The following BTRC variants were observed in gnomAD, a reference collection of about 807,000 sequenced individuals.
The protein encoded by BTRC is beta-transducin repeat containing E3 ubiquitin protein ligase.
In BTRC, 42 loss-of-function variants were observed where a neutral mutation model predicts 85.5. The ratio of observed to expected loss-of-function variants is 0.49; its 90% CI spans 0.38 to 0.64. The LOEUF (loss-of-function observed/expected upper bound fraction) is 0.64. BTRC is among the 30% of genes least tolerant of loss of function. The probability of loss-of-function intolerance (pLI) is 0.00; values close to 1 mark genes in which losing one functional copy is unlikely to be tolerated. For missense variants in BTRC, 594 were observed against 743.5 expected (o/e 0.80, Z 2.34); for synonymous variants, 255 against 263.3 (o/e 0.97, Z 0.30).
At chr10:101,367,082 T>A (rs1396515760) in intron 1 of BTRC, among the ~76,000 whole-genome samples, 2 of 116,460 alleles carry the variant, frequency 1.7e-5, no homozygotes, top group African/African-American at 6.5e-5. Flanking sequence ...ATATATATAT[T>A]TTTTTCGAGC....
At chr10:101,528,363 A>G (rs1234138512) in intron 6 of BTRC, among the ~76,000 whole-genome samples, 2 of 152,214 alleles carry the variant, frequency 1.3e-5, no homozygotes, top group Non-Finnish European at 2.9e-5. Context: ...AAGATCTTTT[A>G]TGTTAGTTAC....
intron 1 of BTRC, among the ~76,000 whole-genome samples, chr10:101,405,430 A>G (rs1943596318): frequency 6.6e-6 from 1 of 151,958 alleles, no homozygotes; most frequent in Non-Finnish European, 1.5e-5. Flanking sequence ...AAAATGGGAG[A>G]TTTTTGCCAT....
intron 8 of BTRC, 128 bp from the exon 9 acceptor site, chr10:101,532,824 A>T: frequency 1.3e-6 from 1 of 756,870 alleles, no homozygotes; most frequent in Non-Finnish European, 2.2e-6. Context: ...AGCTATACCT[A>T]TAGAAAATGC....
At chr10:101,383,481 A>G (rs553122842) in intron 1 of BTRC, among the ~76,000 whole-genome samples, 5 of 150,584 alleles carry the variant, frequency 3.3e-5, no homozygotes, top group African/African-American at 1.2e-4. Flanking sequence ...TATTTTGCTC[A>G]TGATTATTTG....
intron 1 of BTRC, among the ~76,000 whole-genome samples, chr10:101,375,065 C>A (rs1942754204): frequency 6.6e-6 from 1 of 152,110 alleles, no homozygotes; most frequent in African/African-American, 2.4e-5. Flanking sequence ...TGTGTGGACG[C>A]AGGGGAACTT....
intron 4 of BTRC, among the ~76,000 whole-genome samples, chr10:101,482,208 A>G (rs1420892181): frequency 6.6e-6 from 1 of 151,602 alleles, no homozygotes; most frequent in African/African-American, 2.4e-5. Context: ...TTAAGTAGAG[A>G]CAGGGTTTCG....
chr10:101,387,673 C>CCCA lies in BTRC; in HGVS notation c.48+33453_48+33455dup, dbSNP rs1164971026. On this transcript the variant is annotated intron_variant, in intron 1 of 14. Coordinates refer to ENST00000370187, the MANE Select transcript of BTRC (RefSeq NM_033637.4). Reference sequence around the variant, plus strand: ...TCCCGAGTTGTTGGGATTACAGGTGCCCACCACCACACCCGGCTGATTTTT... The same window carrying CCCA: ...TCCCGAGTTGTTGGGATTACAGGTGCCCACCACCACCACACCCGGCTGATTTTT... Among the ~76,000 whole-genome samples, 25 of 150,542 alleles carry CCCA rather than the reference C, an allele frequency of 1.7e-4. 1 individual carries two copies. The highest frequency in any genetic ancestry group is 5.6e-4 in the African/African-American group (23 of 40,908).
intron 4 of BTRC, among the ~76,000 whole-genome samples, chr10:101,505,078 A>T (rs1282038722): frequency 1.6e-5 from 1 of 62,274 alleles, no homozygotes; most frequent in Admixed American, 1.7e-4. Context: ...AGTAGCTGGG[A>T]TTACAGGCGT....
intron 2 of BTRC, among the ~76,000 whole-genome samples, chr10:101,431,826 A>G (rs1299149669): frequency 1.3e-5 from 2 of 152,190 alleles, no homozygotes; most frequent in Non-Finnish European, 2.9e-5. Flanking sequence ...ACAAAATTTA[A>G]TATCTTAAGA....
At chr10:101,436,210 G>A (rs1000836633) in intron 2 of BTRC, among the ~76,000 whole-genome samples, 1 of 152,128 alleles carries the variant, frequency 6.6e-6, no homozygotes, top group Non-Finnish European at 1.5e-5. Flanking sequence ...CTCATTCCCA[G>A]CAAATGGTGA....
In BTRC at chr10:101,400,356, A is replaced by C. The variant is rs185700302; in HGVS notation, c.49-29989A>C. Among the ~76,000 whole-genome samples the C allele has an allele frequency of 5.1e-4, 78 of 152,348 alleles. 1 individual carries two copies. The highest frequency in any genetic ancestry group is 6.3e-4 in the Non-Finnish European group (43 of 68,028). ...TTTCTCTACTTCTACACAAAAGTTAAATTAAGGAGTACCCAAGAGGGCTGG... is the reference window on the plus strand; with the variant it reads ...TTTCTCTACTTCTACACAAAAGTTACATTAAGGAGTACCCAAGAGGGCTGG... On this transcript the variant is annotated intron_variant, in intron 1 of 14. Coordinates refer to ENST00000370187, the MANE Select transcript of BTRC (RefSeq NM_033637.4).
rs1944372262 is a variant in BTRC at position 101,430,429 on chromosome 10, A to G, written c.133A>G (p.Thr45Ala). ...PSLRCLYNPG[T>A]GALTAFQNSS... Reference sequence around the variant, plus strand: ...GCTGCGATGCCTGTATAACCCAGGGACTGGCGCACTCACAGCTTTCCAGGT... The same window carrying G: ...GCTGCGATGCCTGTATAACCCAGGGGCTGGCGCACTCACAGCTTTCCAGGT... Residue 45 changes from threonine to alanine, a missense_variant, in exon 2 of 15, where the codon ACT becomes GCT. Thr to Ala is a moderately conservative substitution (Grantham distance 58). This residue lies in a region of BTRC where 163 missense variants were observed against 180.5 expected (regional missense o/e 0.90). Transcript: ENST00000370187. The G allele has an allele frequency of 6.2e-7, 1 of 1,613,924 alleles. No homozygotes were observed. Among genetic ancestry groups the G allele is most frequent in the Non-Finnish European group, 8.5e-7 (1 of 1,179,960 alleles).
Position 101,403,984 on chromosome 10 carries a change from A to ATG in BTRC, c.49-26357_49-26356dup, listed in dbSNP as rs1217692469. Among the ~76,000 whole-genome samples, 315 of 95,878 alleles carry ATG rather than the reference A, an allele frequency of 3.3e-3. 2 individuals carry two copies. Among genetic ancestry groups the ATG allele is most frequent in the Non-Finnish European group, 4.3e-3 (198 of 46,248 alleles). The allele number at this position is 95,878 out of a possible 152,430, so 62.9% of individuals were successfully genotyped here. ...TTATTGGAACATTTTAATCCTATCT[A>ATG]TGTGTATGTGTGTGTGTGTATATAT... is the stretch of plus-strand genomic sequence containing the variant. On this transcript the variant is annotated intron_variant, in intron 1 of 14. Transcript: ENST00000370187.
chr10:101,517,436 GTAAA>G (rs1046403615), intron 4 of BTRC, among the ~76,000 whole-genome samples: 1 of 152,050 alleles, frequency 6.6e-6, no homozygotes, highest in African/African-American at 2.4e-5. Context: ...AAAAATAAAA[GTAAA>G]TAAATAAAAG....
At chr10:101,375,182 G>C (rs1314074209) in intron 1 of BTRC, among the ~76,000 whole-genome samples, 2 of 152,196 alleles carry the variant, frequency 1.3e-5, no homozygotes, top group Non-Finnish European at 2.9e-5. Flanking sequence ...TTGGATCATG[G>C]GGGCGGATTT....
chr10:101,545,827 A>G (rs1589626452), intron 13 of BTRC, among the ~76,000 whole-genome samples: 1 of 152,220 alleles, frequency 6.6e-6, no homozygotes, highest in Non-Finnish European at 1.5e-5. Flanking sequence ...TAGCTGTATT[A>G]ATTAGAGAGA....
At chr10:101,367,828 A>T (rs1942513792) in intron 1 of BTRC, among the ~76,000 whole-genome samples, 1 of 152,090 alleles carries the variant, frequency 6.6e-6, no homozygotes, top group Admixed American at 6.6e-5. Context: ...AATCATTCAG[A>T]TTAGTCATTC....
intron 4 of BTRC, among the ~76,000 whole-genome samples, chr10:101,486,202 A>G (rs1945981785): frequency 6.6e-6 from 1 of 152,174 alleles, no homozygotes; most frequent in Non-Finnish European, 1.5e-5. Context: ...CGGCTGTTGT[A>G]ATCCAATTAT....
intron 4 of BTRC, among the ~76,000 whole-genome samples, chr10:101,485,390 C>CTG (rs1945955482): frequency 6.6e-6 from 1 of 152,180 alleles, no homozygotes; most frequent in Non-Finnish European, 1.5e-5. Context: ...GTTTTTAAGC[C>CTG]TGAAGTCCAG....
Sources: gnomAD v4.1 joint callset for allele counts (sites outside exome capture counted in the v4.1 genomes callset) on GRCh38, gnomAD v4.1.1 for gene constraint, gnomAD v4.1.1 regional missense constraint, MANE v1.5 for transcripts, NCBI Gene and HGNC (gene_info 2026-07-23, HGNC 2026-07-21) for gene names.